PCDHGB3: variants seen among roughly 807,000 people sequenced by gnomAD.
PCDHGB3 encodes protocadherin gamma subfamily B, 3.
A neutral mutation model predicts 59.2 loss-of-function variants in PCDHGB3; 40 were observed. The observed-to-expected ratio is 0.68, with a 90% confidence interval of 0.52 to 0.88. The LOEUF (loss-of-function observed/expected upper bound fraction) is 0.88, where lower values mean the gene tolerates loss of function less well. PCDHGB3 is among the 40% of genes least tolerant of loss of function. PCDHGB3 has a pLI of 0.00. For missense variants in PCDHGB3, 1,309 were observed against 1,187.9 expected, an observed-to-expected ratio of 1.10 and a Z score of -1.50; for synonymous variants, 581 against 503.6, an observed-to-expected ratio of 1.15 and a Z score of -2.06.
chr5:141,399,677 A>G, intron 1 of PCDHGB3: 1 of 1,613,540 alleles, frequency 6.2e-7, no homozygotes, highest in Non-Finnish European at 8.5e-7. Flanking sequence ...CGCGCCTTTG[A>G]CTACGAGCAG....
intron 1 of PCDHGB3, chr5:141,419,739 G>T: frequency 6.2e-7 from 1 of 1,613,770 alleles, no homozygotes; most frequent in South Asian, 1.1e-5. Context: ...GGCGAGGTGC[G>T]CATGGTGCGT....
At chr5:141,453,083 A>G (rs1404530649) in intron 1 of PCDHGB3, among the ~76,000 whole-genome samples, 1 of 152,044 alleles carries the variant, frequency 6.6e-6, no homozygotes, top group African/African-American at 2.4e-5. Flanking sequence ...CTGGTTGATT[A>G]GTATATTTTC....
chr5:141,461,961 T>C (rs914134151), intron 1 of PCDHGB3, among the ~76,000 whole-genome samples: 3 of 152,192 alleles, frequency 2.0e-5, no homozygotes, highest in African/African-American at 7.2e-5. Context: ...GTAGCTGGGA[T>C]TCCAGGCATA....
chr5:141,510,472 G>A (rs1209464436), intron 3 of PCDHGB3, among the ~76,000 whole-genome samples: 7 of 152,102 alleles, frequency 4.6e-5, no homozygotes, highest in Non-Finnish European at 1.0e-4. Context: ...GGAGTCAGAG[G>A]CTCCCTTGAG....
intron 1 of PCDHGB3, chr5:141,399,117 A>C (rs370431268): frequency 6.2e-6 from 10 of 1,613,848 alleles, no homozygotes; most frequent in Non-Finnish European, 8.5e-6. Flanking sequence ...GTACAGTTGA[A>C]ATTAATATTC....
chr5:141,490,184 TC>T lies in PCDHGB3; in HGVS notation c.2416-4622del, dbSNP rs1293752541. The T allele has an allele frequency of 1.2e-6, 2 of 1,614,196 alleles. No individual in the cohort carries two copies. The highest frequency in any genetic ancestry group is 1.7e-6 in the Non-Finnish European group (2 of 1,180,030). On this transcript the variant is annotated intron_variant, in intron 1 of 3. Coordinates refer to ENST00000576222, the MANE Select transcript of PCDHGB3 (RefSeq NM_018924.5). This position sits in a 1 kb window ranked among gnomAD's most constrained non-coding sequence, Gnocchi z 5.4. The stretch of plus-strand genomic sequence containing the variant: ...CCCATAGACTTTGAGGAGTCACGTT[TC>T]TATGAAATTCATGCAAGAGCCCGTG...
At chr5:141,419,259 C>T (rs765877993) in intron 1 of PCDHGB3, 2 of 1,613,900 alleles carry the variant, frequency 1.2e-6, no homozygotes, top group South Asian at 2.2e-5. Flanking sequence ...AACAACCAGC[C>T]GGGTGCCTCC....
chr5:141,460,296 C>T (rs1443273958), intron 1 of PCDHGB3, among the ~76,000 whole-genome samples: 1 of 151,924 alleles, frequency 6.6e-6, no homozygotes, highest in Non-Finnish European at 1.5e-5. Context: ...TTCTTATGTC[C>T]TATTCAAAAA....
At chr5:141,459,846 A>G (rs945742948) in intron 1 of PCDHGB3, among the ~76,000 whole-genome samples, 1 of 152,170 alleles carries the variant, frequency 6.6e-6, no homozygotes, top group Admixed American at 6.5e-5. Context: ...CTATTTGTAT[A>G]TCTTCTTGAA....
At chr5:141,509,631 C>A (rs1250891268) in intron 3 of PCDHGB3, among the ~76,000 whole-genome samples, 1 of 152,200 alleles carries the variant, frequency 6.6e-6, no homozygotes, top group East Asian at 1.9e-4. Flanking sequence ...CTGGGTGATG[C>A]TGAGCCAGGG....
At position 141,409,359 on chromosome 5, in the gene PCDHGB3, T is replaced by C. The variant is rs371907890; in HGVS notation, c.2415+36550T>C. ...GGAAATGGAGAAGTCAGGTGTAATA[T>C]AGAAACAGACATTCCATTCAAGATT... On this transcript the variant is annotated intron_variant, in intron 1 of 3. Coordinates refer to ENST00000576222, the MANE Select transcript of PCDHGB3 (RefSeq NM_018924.5). 6.8e-6 allele frequency: 11 copies of C among 1,614,026 alleles called. No individual in the cohort carries two copies. The highest frequency in any genetic ancestry group is 8.5e-6 in the Non-Finnish European group (10 of 1,179,908).
In PCDHGB3 at chr5:141,491,771, G is replaced by C. The variant is rs760915700; in HGVS notation, c.2416-3036G>C. ...GGAGAAGCCGCCCGTCCTCATAAGG[G>C]ATTGAACTTGCATCCACTCCTCTCC... On this transcript the variant is annotated intron_variant, in intron 1 of 3. Coordinates refer to ENST00000576222, the MANE Select transcript of PCDHGB3 (RefSeq NM_018924.5). The surrounding 1 kb of genome is among the most constrained non-coding windows in gnomAD (Gnocchi z 6.9). 6.4e-7 allele frequency: 1 copy of C among 1,558,290 alleles called. No individual in the cohort carries two copies. Among genetic ancestry groups the C allele is most frequent in the Non-Finnish European group, 8.7e-7 (1 of 1,153,586 alleles).
intron 2 of PCDHGB3, among the ~76,000 whole-genome samples, chr5:141,503,994 A>C (rs1330628079): frequency 6.6e-6 from 1 of 152,158 alleles, no homozygotes; most frequent in Non-Finnish European, 1.5e-5. Context: ...CTTACCTTAC[A>C]GTCACTTAAC....
At chr5:141,498,011 G>A (rs995865984) in intron 2 of PCDHGB3, among the ~76,000 whole-genome samples, 2 of 152,204 alleles carry the variant, frequency 1.3e-5, no homozygotes, top group Non-Finnish European at 2.9e-5. Flanking sequence ...ACAGTGCACT[G>A]AAGGAGACAA....
rs76381401 is a variant in PCDHGB3, at chr5:141,399,054, G to A, written c.2415+26245G>A. 4.7e-4 allele frequency: 759 copies of A among 1,613,694 alleles called. 3 individuals are homozygous for A. The African/African-American group carries it at 8.4e-3, about 18-fold the overall frequency. ...AGAAACTGGATTTTGAAGAGACCAAGGAATATTCAATGGTTGTAGAAGGGA... is the reference window on the plus strand; with the variant it reads ...AGAAACTGGATTTTGAAGAGACCAAAGAATATTCAATGGTTGTAGAAGGGA... On this transcript the variant is annotated intron_variant, in intron 1 of 3. Coordinates refer to ENST00000576222, the MANE Select transcript of PCDHGB3 (RefSeq NM_018924.5).
chr5:141,415,301 T>C, intron 1 of PCDHGB3: 1 of 1,614,230 alleles, frequency 6.2e-7, no homozygotes, highest in South Asian at 1.1e-5. Context: ...TGCGTCTTCC[T>C]GGCCTTCGTC....
chr5:141,458,990 C>T (rs2098958778), intron 1 of PCDHGB3, among the ~76,000 whole-genome samples: 1 of 152,212 alleles, frequency 6.6e-6, no homozygotes, highest in Non-Finnish European at 1.5e-5. Context: ...GCCTCACCCT[C>T]CCAAAGTGCT....
rs759576434 is a variant in PCDHGB3 at position 141,432,109 on chromosome 5, G to C, written c.2415+59300G>C. Reference sequence around the variant, plus strand: ...TGGCAGACACCAACGACAACCCGCCGGTCTTCCCTCAGGCCTCCTATTCCG... The same window carrying C: ...TGGCAGACACCAACGACAACCCGCCCGTCTTCCCTCAGGCCTCCTATTCCG... On this transcript the variant is annotated intron_variant, in intron 1 of 3. Transcript: ENST00000576222. The surrounding 1 kb of genome is among the most constrained non-coding windows in gnomAD (Gnocchi z 6.0). 9 of 1,613,972 alleles carry C rather than the reference G, an allele frequency of 5.6e-6. No homozygotes were observed. In the African/African-American group the frequency reaches 9.3e-5, roughly 17 times the overall value.
At chr5:141,478,339 C>A in intron 1 of PCDHGB3, 1 of 1,613,918 alleles carries the variant, frequency 6.2e-7, no homozygotes, top group Admixed American at 1.7e-5. Flanking sequence ...CAGGGCCCTC[C>A]TTGCACGCGG....
Sources: allele counts gnomAD v4.1 joint callset (sites outside exome capture counted in the v4.1 genomes callset), GRCh38; gene constraint gnomAD v4.1.1; non-coding constraint Gnocchi (gnomAD v3.1); transcripts MANE v1.5; gene names NCBI Gene and HGNC (gene_info 2026-07-23, HGNC 2026-07-21).